NCOR1: variants seen among roughly 807,000 people sequenced by gnomAD.
NCOR1 encodes the protein protein phosphatase 1, regulatory subunit 109.
NCOR1 carries 63 observed loss-of-function variants against 288.1 expected under a neutral mutation model. The observed-to-expected ratio is 0.22, with a 90% CI of 0.18 to 0.27. The LOEUF is 0.27. Ranked by LOEUF, NCOR1 falls within the 10% of genes least tolerant of loss-of-function variation. The pLI is 1.00. For missense variants in NCOR1, 2,397 were observed against 3,019.2 expected (o/e 0.79, Z 4.83); for synonymous variants, 1,007 against 1,065.9 (o/e 0.94, Z 1.08).
chr17:16,094,611 C>G (rs1235324806), intron 21 of NCOR1, among the ~76,000 whole-genome samples: 3 of 152,122 alleles, frequency 2.0e-5, no homozygotes, highest in Non-Finnish European at 2.9e-5. Flanking sequence ...CCCTCTCATG[C>G]CGAGCCAAAG....
rs2076670524 is a variant in NCOR1, at chr17:16,138,033, T to C, written c.1407+125A>G. ...TGTAATTATCATTACATTAATCACA[T>C]GAGACTCTTCGCAGTCTTTTTAAAA... On this transcript the variant is annotated intron_variant, in intron 13 of 45. Transcript: ENST00000268712. 4 of 674,560 alleles carry C rather than the reference T, an allele frequency of 5.9e-6. No individual in the cohort carries two copies. The South Asian group carries it at 7.8e-5, about 13-fold the overall frequency. 41.8% of individuals were successfully genotyped at this position (674,560 alleles called of 1,614,324 possible).
chr17:16,099,214 C>T (rs1353396464), intron 20 of NCOR1, among the ~76,000 whole-genome samples: 2 of 152,184 alleles, frequency 1.3e-5, no homozygotes, highest in Non-Finnish European at 2.9e-5. Flanking sequence ...TCACACTCCA[C>T]CGGCTGATGT....
At chr17:16,130,444 T>C (rs2075414159) in intron 14 of NCOR1, among the ~76,000 whole-genome samples, 2 of 152,204 alleles carry the variant, frequency 1.3e-5, no homozygotes, top group South Asian at 4.1e-4. Flanking sequence ...AAAAGTTCCC[T>C]ACACAGACAC....
chr17:16,076,338 T>C (rs2062443563), intron 26 of NCOR1, among the ~76,000 whole-genome samples: 1 of 152,192 alleles, frequency 6.6e-6, no homozygotes, highest in South Asian at 2.1e-4. Context: ...AACAACGCAT[T>C]TGGCCCAGGA....
At chr17:16,050,214 C>G (rs1022606286) in intron 40 of NCOR1, among the ~76,000 whole-genome samples, 3 of 151,852 alleles carry the variant, frequency 2.0e-5, no homozygotes, top group African/African-American at 7.2e-5. Flanking sequence ...CCTCGCCCCA[C>G]CACACCCTCA....
chr17:16,048,513 C>T (rs1567697161), intron 41 of NCOR1, among the ~76,000 whole-genome samples: 2 of 151,868 alleles, frequency 1.3e-5, no homozygotes, highest in South Asian at 4.2e-4. Flanking sequence ...GTCCACAGTG[C>T]TTGGTATACA....
rs2152227976 is a variant in NCOR1, at chr17:16,046,973, AGAG to A, written c.6654_6656del (p.Ser2219del). On this transcript the variant is annotated inframe_deletion, in exon 42 of 46. Transcript: ENST00000268712. ...TACCCATATCAGAGTCACCTCCACCAGAGGAGTTCAACTTACGAAAAATCTCCT... is the reference window on the plus strand; with the variant it reads ...TACCCATATCAGAGTCACCTCCACCAGAGTTCAACTTACGAAAAATCTCCT... 2 of 1,614,110 alleles carry A rather than the reference AGAG, an allele frequency of 1.2e-6. No individual in the cohort carries two copies. Among genetic ancestry groups the A allele is most frequent in the Non-Finnish European group, 8.5e-7 (1 of 1,179,972 alleles).
chr17:16,031,938 G>T lies in NCOR1; in HGVS notation c.*358C>A. On this transcript the variant is annotated 3_prime_UTR_variant, in exon 46 of 46. Coordinates refer to ENST00000268712, the MANE Select transcript of NCOR1 (RefSeq NM_006311.4). The stretch of plus-strand genomic sequence containing the variant: ...TAAGTACACCAGATACTACAGCAAG[G>T]GGATATACACTGCAAAAAGGTCATC... 3.6e-6 allele frequency: 1 copy of T among 280,016 alleles called. No individual in the cohort carries two copies. Among genetic ancestry groups the T allele is most frequent in the South Asian group, 8.8e-5 (1 of 11,372 alleles). The allele number at this position is 280,016 out of a possible 1,614,324, so 17.3% of individuals were successfully genotyped here. A position where few individuals can be genotyped will look rare whatever the true frequency, so the allele number is the denominator to read the frequency against.
intron 3 of NCOR1, among the ~76,000 whole-genome samples, chr17:16,173,816 A>G (rs1158645267): frequency 1.3e-5 from 2 of 152,124 alleles, no homozygotes; most frequent in Admixed American, 6.6e-5. Context: ...CTGCAATCCC[A>G]GCTACTCGGG....
chr17:16,086,266 A>G lies in NCOR1; in HGVS notation c.3177+16T>C. ...ATATTCAACAAGAAATCTACTGTAAAGAGAAGTCGTTTCACCTGTGAGATG... is the reference window on the plus strand; with the variant it reads ...ATATTCAACAAGAAATCTACTGTAAGGAGAAGTCGTTTCACCTGTGAGATG... On this transcript the variant is annotated intron_variant, in intron 23 of 45. Coordinates refer to ENST00000268712, the MANE Select transcript of NCOR1 (RefSeq NM_006311.4). 6.2e-7 allele frequency: 1 copy of G among 1,611,038 alleles called. No homozygotes were observed. Among genetic ancestry groups the G allele is most frequent in the Non-Finnish European group, 8.5e-7 (1 of 1,178,010 alleles).
chr17:16,075,482 G>C, intron 27 of NCOR1, 52 bp downstream of exon 27: 1 of 1,576,204 alleles, frequency 6.3e-7, no homozygotes, highest in Non-Finnish European at 8.7e-7. Context: ...CCAAGCCTAT[G>C]TTTTTAGCAC....
In NCOR1 at chr17:16,040,433, A is replaced by G. The variant is rs2057352853; in HGVS notation, c.6733+8T>C. 4.3e-6 allele frequency: 7 copies of G among 1,613,070 alleles called. No individual in the cohort carries two copies. Among genetic ancestry groups the G allele is most frequent in the Non-Finnish European group, 5.9e-6 (7 of 1,179,432 alleles). ...TTGTATTGGTAAATAATGTCTTTTCAATCTTACCTGACGTAGTAACTGCTG... is the reference window on the plus strand; with the variant it reads ...TTGTATTGGTAAATAATGTCTTTTCGATCTTACCTGACGTAGTAACTGCTG... On this transcript the variant is annotated splice_region_variant and intron_variant, in intron 43 of 45. Transcript: ENST00000268712.
intron 10 of NCOR1, among the ~76,000 whole-genome samples, chr17:16,145,575 T>C (rs1375101740): frequency 8.2e-6 from 1 of 122,500 alleles, no homozygotes; most frequent in Non-Finnish European, 2.0e-5. Context: ...GTGATGAGCG[T>C]CTCTGCCCGG....
In NCOR1 at chr17:16,040,440, C is replaced by T; in HGVS notation, c.6733+1G>A. 1 of 1,613,370 alleles carries T rather than the reference C, an allele frequency of 6.2e-7. No homozygotes were observed. The highest frequency in any genetic ancestry group is 8.5e-7 in the Non-Finnish European group (1 of 1,179,670). On this transcript the variant is annotated splice_donor_variant, in intron 43 of 45. Coordinates refer to ENST00000268712, the MANE Select transcript of NCOR1 (RefSeq NM_006311.4). LOFTEE classifies it high-confidence loss of function. ...GGTAAATAATGTCTTTTCAATCTTA[C>T]CTGACGTAGTAACTGCTGGCAGATT...
At chr17:16,190,895 A>C (rs1254006745) in intron 2 of NCOR1, among the ~76,000 whole-genome samples, 1 of 152,172 alleles carries the variant, frequency 6.6e-6, no homozygotes, top group Admixed American at 6.5e-5. Flanking sequence ...TACCTACCAT[A>C]CTCTAGGCCC....
chr17:16,091,502 T>A, intron 22 of NCOR1: 1 of 957,678 alleles, frequency 1.0e-6, no homozygotes, highest in Non-Finnish European at 1.3e-6. Flanking sequence ...ATGTGAATAT[T>A]ACACTGTAAT....
At chr17:16,155,176 C>A (rs183096442) in intron 6 of NCOR1, among the ~76,000 whole-genome samples, 4 of 151,958 alleles carry the variant, frequency 2.6e-5, no homozygotes, top group Admixed American at 1.3e-4. Context: ...CATGGTGAAA[C>A]CCCATCTCTA....
At chr17:16,072,537 C>T (rs886246185) in intron 28 of NCOR1, among the ~76,000 whole-genome samples, 1 of 152,088 alleles carries the variant, frequency 6.6e-6, no homozygotes, top group Admixed American at 6.5e-5. Context: ...GGATTGGAAA[C>T]CATTGCTTAG....
intron 31 of NCOR1, among the ~76,000 whole-genome samples, chr17:16,068,843 A>G (rs2061423827): frequency 6.6e-6 from 1 of 151,374 alleles, no homozygotes; most frequent in Non-Finnish European, 1.5e-5. Context: ...CCTCCCAAGT[A>G]GCTGGGACTA....
Sources: gnomAD v4.1 joint callset for allele counts (sites outside exome capture counted in the v4.1 genomes callset) on GRCh38, gnomAD v4.1.1 for gene constraint, MANE v1.5 for transcripts, NCBI Gene and HGNC (gene_info 2026-07-23, HGNC 2026-07-21) for gene names.